Variants in PTPRN2 observed in about 807,000 individuals in gnomAD.
The protein encoded by PTPRN2 is protein tyrosine phosphatase receptor type N2, also known as receptor-type tyrosine-protein phosphatase N2.
In PTPRN2, 74 loss-of-function variants were observed where a neutral mutation model predicts 118.8. That is an observed-to-expected ratio of 0.62 (90% CI 0.52 to 0.76). The LOEUF (loss-of-function observed/expected upper bound fraction) is 0.76, where lower values mean the gene tolerates loss of function less well. PTPRN2 is among the 30% of genes least tolerant of loss of function. PTPRN2 has a pLI of 0.00. For synonymous variants in PTPRN2, 641 were observed against 608.0 expected (o/e 1.05, Z -0.80); for missense variants, 1,481 against 1,394.4 (o/e 1.06, Z -0.99).
At chr7:158,540,304 C>T (rs891025890) in intron 1 of PTPRN2, among the ~76,000 whole-genome samples, 1 of 152,210 alleles carries the variant, frequency 6.6e-6, no homozygotes, top group African/African-American at 2.4e-5. Context: ...CCAGAAGTCA[C>T]TGTCAATGCC....
intron 3 of PTPRN2, among the ~76,000 whole-genome samples, chr7:158,262,987 TCACA>T (rs1446272897): frequency 7.3e-6 from 1 of 136,912 alleles, no homozygotes; most frequent in African/African-American, 2.9e-5. Flanking sequence ...ACATACAGAT[TCACA>T]CACATTGCAC....
At chr7:158,280,641 G>A (rs1042310092) in intron 3 of PTPRN2, among the ~76,000 whole-genome samples, 3 of 152,248 alleles carry the variant, frequency 2.0e-5, no homozygotes, top group East Asian at 1.9e-4. Context: ...GGAGCCGGAC[G>A]GGTGCGGCCC....
intron 3 of PTPRN2, among the ~76,000 whole-genome samples, chr7:158,228,356 A>C (rs1040304080): frequency 6.6e-6 from 1 of 152,200 alleles, no homozygotes; most frequent in Non-Finnish European, 1.5e-5. Context: ...TACTGAAGGA[A>C]GATCCCAAAG....
At chr7:158,485,629 C>G (rs1383059998) in intron 2 of PTPRN2, among the ~76,000 whole-genome samples, 1 of 132,098 alleles carries the variant, frequency 7.6e-6, no homozygotes, top group African/African-American at 2.7e-5. Context: ...TCGGCCACCC[C>G]TCTCTGCACC....
chr7:158,151,297 T>C lies in PTPRN2; in HGVS notation c.911-12782A>G, dbSNP rs36130089. Among the ~76,000 whole-genome samples, 8 of 17,136 alleles carry C rather than the reference T, an allele frequency of 4.7e-4. 3 individuals carry two copies. In the East Asian group the frequency reaches 9.2e-3, roughly 20 times the overall value. The allele number at this position is 17,136 out of a possible 152,430, so 11.2% of individuals were successfully genotyped here. On this transcript the variant is annotated intron_variant, in intron 6 of 22. Coordinates refer to ENST00000389418, the MANE Select transcript of PTPRN2 (RefSeq NM_002847.5). ...CACCGCCCGCCTTTCTGCTCCTGCC[T>C]CTCCCTGCCCACACCGCCCACCTTC...
intron 12 of PTPRN2, among the ~76,000 whole-genome samples, chr7:157,724,743 G>A (rs1463775708): frequency 1.3e-5 from 2 of 152,232 alleles, no homozygotes; most frequent in East Asian, 3.8e-4. Flanking sequence ...GTGAATAACA[G>A]CGTAGTTGGG....
At position 157,661,212 on chromosome 7, in the gene PTPRN2, G is replaced by A. The variant is rs181876757; in HGVS notation, c.2002-4661C>T. Among the ~76,000 whole-genome samples, 846 of 152,398 alleles carry A rather than the reference G, an allele frequency of 5.6e-3. 3 individuals are homozygous for A. Among genetic ancestry groups the A allele is most frequent in the Non-Finnish European group, 9.6e-3 (653 of 68,042 alleles). On this transcript the variant is annotated intron_variant, in intron 13 of 22. Transcript: ENST00000389418. ...CTCACCAGTGGTCTCGCGTCACTGCGCAGCGCAGGGTCTTCTTGAAGGTCT... is the reference window on the plus strand; with the variant it reads ...CTCACCAGTGGTCTCGCGTCACTGCACAGCGCAGGGTCTTCTTGAAGGTCT...
At chr7:157,624,673 G>A (rs1470186701) in intron 14 of PTPRN2, among the ~76,000 whole-genome samples, 1 of 152,210 alleles carries the variant, frequency 6.6e-6, no homozygotes, top group Non-Finnish European at 1.5e-5. Flanking sequence ...CTTCTGCACT[G>A]TAAAGTCAAA....
rs73176148 is a variant in PTPRN2, at chr7:158,290,514, G to A, written c.277+26305C>T. Among the ~76,000 whole-genome samples the A allele has an allele frequency of 1.9e-3, 292 of 152,274 alleles. 2 individuals are homozygous for A. Among genetic ancestry groups the A allele is most frequent in the Non-Finnish European group, 3.7e-3 (250 of 68,016 alleles). ...ATGATCCTACCTGGTATTGGGGCAG[G>A]CCTGAAGCCTCCGTCCTTGGGTACC... On this transcript the variant is annotated intron_variant, in intron 3 of 22. Coordinates refer to ENST00000389418, the MANE Select transcript of PTPRN2 (RefSeq NM_002847.5).
At chr7:158,158,785 T>G (rs1169605020) in intron 6 of PTPRN2, among the ~76,000 whole-genome samples, 2 of 85,134 alleles carry the variant, frequency 2.3e-5, no homozygotes, top group Non-Finnish European at 4.2e-5. Flanking sequence ...TGGCCGGGAC[T>G]TCGCAAGTGC....
At chr7:158,457,900 C>A (rs1481213231) in intron 2 of PTPRN2, among the ~76,000 whole-genome samples, 5 of 152,174 alleles carry the variant, frequency 3.3e-5, no homozygotes, top group Non-Finnish European at 7.4e-5. Context: ...TTATTTACAC[C>A]CTGAGTGTTC....
chr7:158,089,618 A>G lies in PTPRN2; in HGVS notation c.1644-8241T>C, dbSNP rs56714560. Among the ~76,000 whole-genome samples, 66 of 61,194 alleles carry G rather than the reference A, an allele frequency of 1.1e-3. 1 individual carries two copies. Among genetic ancestry groups the G allele is most frequent in the East Asian group, 9.5e-3 (12 of 1,262 alleles). 40.1% of individuals were successfully genotyped at this position (61,194 alleles called of 152,430 possible). ...ACAAACCTTCTTCCCCTGATGAAAGAGGGAGTCTTCACACAAACCTTCTTC... is the reference window on the plus strand; with the variant it reads ...ACAAACCTTCTTCCCCTGATGAAAGGGGGAGTCTTCACACAAACCTTCTTC... On this transcript the variant is annotated intron_variant, in intron 10 of 22. Coordinates refer to ENST00000389418, the MANE Select transcript of PTPRN2 (RefSeq NM_002847.5).
intron 2 of PTPRN2, among the ~76,000 whole-genome samples, chr7:158,464,013 CCATCAT>C (rs1819212802): frequency 1.6e-5 from 1 of 63,584 alleles, no homozygotes; most frequent in African/African-American, 5.7e-5. Flanking sequence ...TTCATCATCA[CCATCAT>C]CATCCTTACC....
chr7:158,167,425 G>A (rs751338858), intron 5 of PTPRN2, 134 bp from the exon 6 acceptor site: 9 of 1,208,380 alleles, frequency 7.4e-6, no homozygotes, highest in Non-Finnish European at 1.0e-5. Flanking sequence ...TCGGTCTCAG[G>A]TTCAAGGTCC....
intron 14 of PTPRN2, among the ~76,000 whole-genome samples, chr7:157,649,563 G>C (rs878889311): frequency 5.2e-5 from 5 of 96,782 alleles, no homozygotes; most frequent in African/African-American, 6.9e-5. Context: ...GACCCATCCA[G>C]CGTGCACTGA....
At chr7:157,576,491 C>G (rs557089149) in intron 19 of PTPRN2, 122 bp downstream of exon 19, 7 of 1,054,048 alleles carry the variant, frequency 6.6e-6, no homozygotes, top group South Asian at 3.6e-5. Context: ...TTCCCCTCCC[C>G]CCTGCGGCGC....
At chr7:157,636,657 T>C (rs1186606944) in intron 14 of PTPRN2, among the ~76,000 whole-genome samples, 5 of 152,254 alleles carry the variant, frequency 3.3e-5, no homozygotes, top group Admixed American at 3.3e-4. Context: ...AAGTTTACTA[T>C]TCAGGTGTCT....
intron 1 of PTPRN2, among the ~76,000 whole-genome samples, chr7:158,585,751 A>T (rs1429051634): frequency 6.6e-6 from 1 of 152,230 alleles, no homozygotes; most frequent in Non-Finnish European, 1.5e-5. Context: ...CAAGGAAAGC[A>T]GTCAAGGACC....
At chr7:158,578,057 G>A (rs1233071524) in intron 1 of PTPRN2, among the ~76,000 whole-genome samples, 1 of 152,218 alleles carries the variant, frequency 6.6e-6, no homozygotes, top group Non-Finnish European at 1.5e-5. Flanking sequence ...CACCCGGCAA[G>A]CTCGTTGACA....
Sources: gnomAD v4.1 joint callset for allele counts (sites outside exome capture counted in the v4.1 genomes callset) on GRCh38, gnomAD v4.1.1 for gene constraint, MANE v1.5 for transcripts, NCBI Gene and HGNC (gene_info 2026-07-23, HGNC 2026-07-21) for gene names.